Variants in SNX29 observed in about 807,000 individuals in gnomAD.
The protein encoded by SNX29 is sorting nexin 29, also known as sorting nexin-29.
Under a neutral mutation model 102.1 loss-of-function variants are expected in SNX29, and 78 were observed. That is an observed-to-expected ratio of 0.76 (90% CI 0.64 to 0.92). The LOEUF (loss-of-function observed/expected upper bound fraction) is 0.92. SNX29 is among the 40% of genes least tolerant of loss of function. The pLI, the probability that SNX29 is intolerant of heterozygous loss-of-function variation, is 0.00. For synonymous variants in SNX29, 580 were observed against 414.5 expected (o/e 1.40, Z -4.85); for missense variants, 1,280 against 1,061.7 (o/e 1.21, Z -2.86).
chr16:12,475,314 C>G (rs2087538991), intron 18 of SNX29, among the ~76,000 whole-genome samples: 1 of 152,186 alleles, frequency 6.6e-6, no homozygotes, highest in African/African-American at 2.4e-5. Flanking sequence ...TTGGAAAGGA[C>G]TACCTTCTCC....
At chr16:12,363,452 A>T (rs1254909513) in intron 16 of SNX29, among the ~76,000 whole-genome samples, 1 of 152,094 alleles carries the variant, frequency 6.6e-6, no homozygotes, top group Admixed American at 6.5e-5. Context: ...AGGACTGTCT[A>T]CTTTAGGTGG....
intron 16 of SNX29, among the ~76,000 whole-genome samples, chr16:12,358,767 C>T (rs1041762627): frequency 6.6e-6 from 1 of 152,160 alleles, no homozygotes; most frequent in Non-Finnish European, 1.5e-5. Flanking sequence ...TTTATCCAAT[C>T]ACGTTGTTAA....
Position 12,339,370 on chromosome 16 carries a change from C to CAAAAAAAA in SNX29, c.1783-16776_1783-16769dup, listed in dbSNP as rs58148692. Reference sequence around the variant, plus strand: ...TGGGCGACAGAGTGAGATTCTGTCTCAAAAAAAAAAAAAAAAAAAAAAAAG... The same window carrying CAAAAAAAA: ...TGGGCGACAGAGTGAGATTCTGTCTCAAAAAAAAAAAAAAAAAAAAAAAAAAAAAAAAG... On this transcript the variant is annotated intron_variant, in intron 15 of 20. Coordinates refer to ENST00000566228, the MANE Select transcript of SNX29 (RefSeq NM_032167.5). Among the ~76,000 whole-genome samples the CAAAAAAAA allele has an allele frequency of 1.1e-3, 60 of 56,282 alleles. 4 individuals are homozygous for CAAAAAAAA. Among genetic ancestry groups the CAAAAAAAA allele is most frequent in the African/African-American group, 2.3e-3 (28 of 12,430 alleles). The allele number at this position is 56,282 out of a possible 152,430, so 36.9% of individuals were successfully genotyped here.
chr16:12,401,410 G>A (rs948362765), intron 17 of SNX29, among the ~76,000 whole-genome samples: 7 of 142,948 alleles, frequency 4.9e-5, no homozygotes, highest in Admixed American at 1.5e-4. Context: ...TGTTGCCCAG[G>A]CTGGAGTGCA....
At position 12,569,289 on chromosome 16, in the gene SNX29, C is replaced by A. The variant is rs373684333; in HGVS notation, c.*660C>A. 3 of 229,226 alleles carry A rather than the reference C, an allele frequency of 1.3e-5. No individual in the cohort carries two copies. In the East Asian group the frequency reaches 1.9e-4, roughly 14 times the overall value. The allele number at this position is 229,226 out of a possible 1,614,324, so 14.2% of individuals were successfully genotyped here. ...TGAGTTCAGAGAACTTCCCCTACCT[C>A]CCCCATGGCTGGCTTCAGGAAGGAC... On this transcript the variant is annotated 3_prime_UTR_variant, in exon 21 of 21. Coordinates refer to ENST00000566228, the MANE Select transcript of SNX29 (RefSeq NM_032167.5).
At chr16:12,174,170 C>G (rs974196721) in intron 13 of SNX29, among the ~76,000 whole-genome samples, 1 of 152,202 alleles carries the variant, frequency 6.6e-6, no homozygotes, top group African/African-American at 2.4e-5. Context: ...TTAACTCCCC[C>G]TCTAGAGGGC....
chr16:12,405,594 T>G (rs1035522628), intron 18 of SNX29, among the ~76,000 whole-genome samples: 2 of 152,226 alleles, frequency 1.3e-5, no homozygotes, highest in Non-Finnish European at 2.9e-5. Flanking sequence ...TTCTGATTGG[T>G]GCCTGCAGAG....
intron 14 of SNX29, among the ~76,000 whole-genome samples, chr16:12,208,184 C>T (rs1489869588): frequency 6.6e-6 from 1 of 152,204 alleles, no homozygotes; most frequent in Non-Finnish European, 1.5e-5. Context: ...TGGGTGAGGG[C>T]TAGTCATACA....
intron 19 of SNX29, among the ~76,000 whole-genome samples, chr16:12,513,308 T>C: frequency 7.5e-6 from 1 of 133,354 alleles, no homozygotes; most frequent in African/African-American, 2.9e-5. Flanking sequence ...TGCCCTCCTC[T>C]CCCCTTCTCT....
intron 8 of SNX29, among the ~76,000 whole-genome samples, chr16:12,055,392 C>T (rs8044821): frequency 2.6e-5 from 4 of 151,738 alleles, no homozygotes; most frequent in East Asian, 1.9e-4. Context: ...TACCACACCC[C>T]GCTAACTTTT....
At chr16:12,472,421 A>G (rs2087390230) in intron 18 of SNX29, among the ~76,000 whole-genome samples, 1 of 148,876 alleles carries the variant, frequency 6.7e-6, no homozygotes, top group Admixed American at 6.7e-5. Flanking sequence ...CAGGAAGCTG[A>G]GGCGGGAGAA....
chr16:12,154,539 C>G (rs1484453754), intron 13 of SNX29, among the ~76,000 whole-genome samples: 2 of 152,292 alleles, frequency 1.3e-5, no homozygotes, highest in African/African-American at 4.8e-5. Flanking sequence ...AAAGGGTGTT[C>G]TGGCATTTCC....
chr16:12,005,486 C>G (rs2056422897), intron 3 of SNX29, among the ~76,000 whole-genome samples: 1 of 152,114 alleles, frequency 6.6e-6, no homozygotes, highest in African/African-American at 2.4e-5. Context: ...AATCACTGTT[C>G]CAGGGTCTGG....
intron 13 of SNX29, among the ~76,000 whole-genome samples, chr16:12,183,249 C>A (rs2076433052): frequency 6.6e-6 from 1 of 152,194 alleles, no homozygotes; most frequent in African/African-American, 2.4e-5. Flanking sequence ...GATCCTCCCG[C>A]CTTAGCCTCC....
At chr16:12,558,595 C>T (rs931851674) in intron 20 of SNX29, among the ~76,000 whole-genome samples, 1 of 152,220 alleles carries the variant, frequency 6.6e-6, no homozygotes, top group Non-Finnish European at 1.5e-5. Context: ...CTGTCACTCT[C>T]TGCCACAGCT....
intron 20 of SNX29, among the ~76,000 whole-genome samples, chr16:12,560,056 GAAAA>G (rs1567201253): frequency 1.1e-4 from 16 of 152,054 alleles, no homozygotes; most frequent in Middle Eastern, 3.4e-3. Context: ...AAAATGACTA[GAAAA>G]CTATGTAACT....
At chr16:12,048,221 C>T in intron 6 of SNX29, 151 bp from the exon 7 acceptor site, 6 of 1,136,522 alleles carry the variant, frequency 5.3e-6, no homozygotes, top group African/African-American at 1.5e-5. Flanking sequence ...GATTTTCGCT[C>T]CCTGCAACGT....
At chr16:12,086,584 A>G (rs1178878029) in intron 11 of SNX29, among the ~76,000 whole-genome samples, 1 of 151,764 alleles carries the variant, frequency 6.6e-6, no homozygotes, top group Non-Finnish European at 1.5e-5. Context: ...CTGTGTTTTA[A>G]TGCTTATTTT....
At chr16:12,117,400 C>G (rs959150301) in intron 11 of SNX29, among the ~76,000 whole-genome samples, 3 of 148,408 alleles carry the variant, frequency 2.0e-5, no homozygotes, top group Non-Finnish European at 4.5e-5. Flanking sequence ...CAGGCGTGGT[C>G]AATACGTGCT....
Sources: gnomAD v4.1 joint callset for allele counts (sites outside exome capture counted in the v4.1 genomes callset) on GRCh38, gnomAD v4.1.1 for gene constraint, MANE v1.5 for transcripts, NCBI Gene and HGNC (gene_info 2026-07-23, HGNC 2026-07-21) for gene names.